SCEL: variants seen among roughly 807,000 people sequenced by gnomAD.
The protein encoded by SCEL is sciellin.
Under a neutral mutation model 117.6 loss-of-function variants are expected in SCEL, and 113 were observed. That is an observed-to-expected ratio of 0.96 (90% CI 0.83 to 1.12). The LOEUF is 1.12. Ranked by LOEUF, SCEL falls within the 50% of genes most tolerant of loss-of-function variation. The probability of loss-of-function intolerance (pLI) is 0.00; values close to 1 mark genes in which losing one functional copy is unlikely to be tolerated. For synonymous variants in SCEL, 270 were observed against 256.2 expected, an observed-to-expected ratio of 1.05 and a Z score of -0.51; for missense variants, 785 against 810.8, an observed-to-expected ratio of 0.97 and a Z score of 0.39.
intron 24 of SCEL, among the ~76,000 whole-genome samples, chr13:77,617,295 G>A (rs1370575235): frequency 6.6e-6 from 1 of 152,012 alleles, no homozygotes; most frequent in Admixed American, 6.6e-5. Context: ...AAATCAGCTG[G>A]TATCTTCATA....
At chr13:77,557,891 T>C (rs2084751570) in intron 3 of SCEL, among the ~76,000 whole-genome samples, 1 of 152,212 alleles carries the variant, frequency 6.6e-6, no homozygotes, top group Admixed American at 6.5e-5. Flanking sequence ...GATATGGTTA[T>C]TTGAGGGGCA....
chr13:77,552,547 T>C (rs2084396656), intron 1 of SCEL, among the ~76,000 whole-genome samples: 1 of 151,996 alleles, frequency 6.6e-6, no homozygotes, highest in African/African-American at 2.4e-5. Flanking sequence ...GGGTTGTTTG[T>C]TTTTTCTTGT....
rs2089189373 is a variant in SCEL at position 77,618,070 on chromosome 13, C to T, written c.1628+10C>T. 1 of 1,600,784 alleles carries T rather than the reference C, an allele frequency of 6.2e-7. No individual in the cohort carries two copies. The highest frequency in any genetic ancestry group is 8.6e-7 in the Non-Finnish European group (1 of 1,167,916). On this transcript the variant is annotated intron_variant, in intron 27 of 32. Coordinates refer to ENST00000349847, the MANE Select transcript of SCEL (RefSeq NM_144777.3). Reference sequence around the variant, plus strand: ...TTAGAAACACTAATCGGTAAATGACCTTGACTATCTTGACATGTTTACAAG... The same window carrying T: ...TTAGAAACACTAATCGGTAAATGACTTTGACTATCTTGACATGTTTACAAG...
intron 4 of SCEL, among the ~76,000 whole-genome samples, chr13:77,560,393 C>T (rs1165335348): frequency 6.6e-6 from 1 of 152,078 alleles, no homozygotes; most frequent in African/African-American, 2.4e-5. Context: ...GGCAGTGATG[C>T]TCCATTGTAC....
chr13:77,571,015 A>G (rs2085573928), intron 8 of SCEL, among the ~76,000 whole-genome samples: 1 of 151,462 alleles, frequency 6.6e-6, no homozygotes, highest in Non-Finnish European at 1.5e-5. Context: ...TATTTTTAGT[A>G]GAGATGGGGT....
chr13:77,562,097 TC>T (rs1404997689), intron 4 of SCEL, among the ~76,000 whole-genome samples: 3 of 152,298 alleles, frequency 2.0e-5, no homozygotes, highest in South Asian at 4.1e-4. Context: ...GTAGGAGGCC[TC>T]CTGTGCATCA....
At chr13:77,630,547 T>C (rs1270195016) in intron 28 of SCEL, among the ~76,000 whole-genome samples, 2 of 152,218 alleles carry the variant, frequency 1.3e-5, no homozygotes, top group Admixed American at 1.3e-4. Context: ...CTTAGGTGTA[T>C]ACCAGGAGTG....
At chr13:77,541,222 G>T (rs2083683682) in intron 1 of SCEL, among the ~76,000 whole-genome samples, 1 of 151,996 alleles carries the variant, frequency 6.6e-6, no homozygotes, top group African/African-American at 2.4e-5. Context: ...ATTGTCAATG[G>T]ATAATTTATA....
chr13:77,562,631 G>A (rs530648614), intron 4 of SCEL, among the ~76,000 whole-genome samples: 2 of 152,186 alleles, frequency 1.3e-5, no homozygotes, highest in South Asian at 4.1e-4. Context: ...TTCTGTCTTT[G>A]GATGTACATA....
chr13:77,628,060 G>T (rs1259226870), intron 28 of SCEL, 51 bp downstream of exon 28: 6 of 634,348 alleles, frequency 9.5e-6, no homozygotes, highest in Non-Finnish European at 1.5e-5. Flanking sequence ...ATATGCATCT[G>T]CATATATTGT....
intron 27 of SCEL, among the ~76,000 whole-genome samples, chr13:77,627,180 T>C (rs895716743): frequency 6.6e-6 from 1 of 152,192 alleles, no homozygotes; most frequent in African/African-American, 2.4e-5. Flanking sequence ...CATCTAAGAA[T>C]TGATTTCAGG....
chr13:77,604,478 A>C, intron 19 of SCEL, 63 bp downstream of exon 19: 1 of 1,339,160 alleles, frequency 7.5e-7, no homozygotes. Flanking sequence ...TAGAATTCTG[A>C]GTGTTGGTAT....
At chr13:77,638,373 A>C (rs2090404865) in intron 30 of SCEL, among the ~76,000 whole-genome samples, 1 of 152,212 alleles carries the variant, frequency 6.6e-6, no homozygotes, top group African/African-American at 2.4e-5. Context: ...CTGGATAGCC[A>C]ATTAAAAAAA....
rs1418417485 is a variant in SCEL, at chr13:77,636,304, AT to A, written c.1764-809del. 4.6e-5 allele frequency among the ~76,000 whole-genome samples: 7 copies of A among 152,236 alleles called. No individual in the cohort carries two copies. The South Asian group carries it at 6.2e-4, about 14-fold the overall frequency. ...ATGCATCCTCCATAAATATGTGCAA[AT>A]TTTTTTGTAGCATTGTGGGATTATG... On this transcript the variant is annotated intron_variant, in intron 29 of 32. Transcript: ENST00000349847.
At chr13:77,574,591 T>C (rs1275681538) in intron 9 of SCEL, among the ~76,000 whole-genome samples, 1 of 152,190 alleles carries the variant, frequency 6.6e-6, no homozygotes, top group Admixed American at 6.5e-5. Flanking sequence ...GAGCTCAAAG[T>C]ACAGCTTCTG....
At chr13:77,602,922 G>A (rs1390498768) in intron 17 of SCEL, 154 bp from the exon 18 acceptor site, 11 of 622,444 alleles carry the variant, frequency 1.8e-5, no homozygotes, top group Non-Finnish European at 3.0e-5. Context: ...ATTAAACTAT[G>A]TTATTGATTG....
intron 17 of SCEL, 24 bp from the exon 18 acceptor site, chr13:77,603,052 T>C: frequency 7.3e-7 from 1 of 1,374,454 alleles, no homozygotes; most frequent in Non-Finnish European, 1.0e-6. Context: ...GTTTTGAAAC[T>C]GATATAAACT....
At chr13:77,609,015 A>G in intron 20 of SCEL, 43 bp from the exon 21 acceptor site, 1 of 1,449,206 alleles carries the variant, frequency 6.9e-7, no homozygotes, top group Non-Finnish European at 9.5e-7. Flanking sequence ...AATTGATTTA[A>G]TTCCATTTTT....
intron 27 of SCEL, among the ~76,000 whole-genome samples, chr13:77,626,987 T>G (rs2089771202): frequency 6.6e-6 from 1 of 152,124 alleles, no homozygotes; most frequent in Non-Finnish European, 1.5e-5. Context: ...ATACCTAATA[T>G]ATAAATAACA....
Sources: gnomAD v4.1 joint callset for allele counts (sites outside exome capture counted in the v4.1 genomes callset) on GRCh38, gnomAD v4.1.1 for gene constraint, MANE v1.5 for transcripts, NCBI Gene and HGNC (gene_info 2026-07-23, HGNC 2026-07-21) for gene names.